SLC25A30: variants seen among roughly 807,000 people sequenced by gnomAD.
SLC25A30 encodes the protein kidney mitochondrial carrier protein 1.
SLC25A30 carries 29 observed loss-of-function variants against 42.7 expected under a neutral mutation model. That is an observed-to-expected ratio of 0.68 (90% CI 0.51 to 0.93). SLC25A30 has a LOEUF of 0.93. Ranked by LOEUF, SLC25A30 falls within the 40% of genes least tolerant of loss-of-function variation. The probability of loss-of-function intolerance (pLI) is 0.00; values close to 1 mark genes in which losing one functional copy is unlikely to be tolerated. For missense variants in SLC25A30, 300 were observed against 359.7 expected, an observed-to-expected ratio of 0.83 and a Z score of 1.34; for synonymous variants, 124 against 131.0, an observed-to-expected ratio of 0.95 and a Z score of 0.37.
Position 45,394,752 on chromosome 13 carries a change from A to G in SLC25A30, c.*1222T>C. On this transcript the variant is annotated 3_prime_UTR_variant, in exon 10 of 10. Transcript: ENST00000519676. ...TGTCTACAGAAGGAAAGAAAAAGGGAAAATATTACATACCACCTATCAGAA... is the reference window on the plus strand; with the variant it reads ...TGTCTACAGAAGGAAAGAAAAAGGGGAAATATTACATACCACCTATCAGAA... 4 of 985,284 alleles carry G rather than the reference A, an allele frequency of 4.1e-6. No homozygotes were observed. The highest frequency in any genetic ancestry group is 4.8e-6 in the Non-Finnish European group (4 of 829,790). The allele number at this position is 985,284 out of a possible 1,614,324, so 61.0% of individuals were successfully genotyped here. A position where few individuals can be genotyped will look rare whatever the true frequency, so the allele number is the denominator to read the frequency against.
chr13:45,409,016 A>G lies in SLC25A30; in HGVS notation c.123T>C (p.Asp41=), dbSNP rs755780243. Residue 41 remains aspartate, a synonymous_variant, in exon 3 of 10, where the codon GAT becomes GAC. Transcript: ENST00000519676. ...GGTATCTAATTTCCTTAAATTTTGC[A>G]TCATTCGTCTGGCCTTGAATCTGGA... ...TRLQIQGQTN[D]AKFKEIRYRG... The G allele has an allele frequency of 2.4e-5, 39 of 1,613,478 alleles. No individual in the cohort carries two copies. Among genetic ancestry groups the G allele is most frequent in the Non-Finnish European group, 3.1e-5 (37 of 1,179,810 alleles).
intron 6 of SLC25A30, 138 bp downstream of exon 6, chr13:45,402,137 T>C (rs1014545153): frequency 1.8e-6 from 1 of 566,238 alleles, no homozygotes; most frequent in Admixed American, 3.4e-5. Flanking sequence ...AAGAAAGATA[T>C]TTTCATGGGC....
intron 8 of SLC25A30, chr13:45,398,058 G>GCA: frequency 1.0e-6 from 1 of 985,298 alleles, no homozygotes; most frequent in Non-Finnish European, 1.2e-6. Context: ...CTTCATTAAG[G>GCA]CAACACCTGA....
At chr13:45,398,764 C>A in intron 8 of SLC25A30, 176 bp downstream of exon 8, 1 of 522,212 alleles carries the variant, frequency 1.9e-6, no homozygotes, top group East Asian at 3.4e-5. Context: ...ATAAAGAAAA[C>A]AACATTGTAT....
chr13:45,400,028 A>G (rs571810694), intron 7 of SLC25A30, among the ~76,000 whole-genome samples: 3 of 124,236 alleles, frequency 2.4e-5, no homozygotes, highest in African/African-American at 9.1e-5. Flanking sequence ...ATATATATAT[A>G]TATATACACA....
chr13:45,424,536 A>AAT, the SLC25A30 span, among the ~76,000 whole-genome samples: 2 of 40,656 alleles, frequency 4.9e-5, no homozygotes, highest in South Asian at 5.9e-4. Context: ...AATATATATA[A>AAT]ATATATAAAT....
chr13:45,393,726 A>AAAAC lies in SLC25A30; in HGVS notation c.*2244_*2247dup, dbSNP rs1242805449. ...CAACAATTGCATTAACTCTTTCAAA[A>AAAAC]AAACAGAAAAAGCAGGTTAAGATCC... On this transcript the variant is annotated 3_prime_UTR_variant, in exon 10 of 10. Coordinates refer to ENST00000519676, the MANE Select transcript of SLC25A30 (RefSeq NM_001010875.4). 1 of 985,342 alleles carries AAAAC rather than the reference A, an allele frequency of 1.0e-6. No homozygotes were observed. Among genetic ancestry groups the AAAAC allele is most frequent in the African/African-American group, 1.7e-5 (1 of 57,262 alleles). The allele number at this position is 985,342 out of a possible 1,614,324, so 61.0% of individuals were successfully genotyped here.
intron 3 of SLC25A30, among the ~76,000 whole-genome samples, chr13:45,406,707 T>C (rs1224486839): frequency 6.6e-6 from 1 of 152,168 alleles, no homozygotes; most frequent in African/African-American, 2.4e-5. Context: ...ACTGACATCT[T>C]TGTTGCTAAG....
intron 4 of SLC25A30, among the ~76,000 whole-genome samples, chr13:45,405,383 C>T (rs1188843894): frequency 6.6e-6 from 1 of 152,140 alleles, no homozygotes; most frequent in Admixed American, 6.5e-5. Flanking sequence ...GAAGTATTTC[C>T]AAAGCATCTT....
At chr13:45,425,619 T>TATATATATACATATATATAA in the SLC25A30 span, among the ~76,000 whole-genome samples, 9 of 96,914 alleles carry the variant, frequency 9.3e-5, no homozygotes, top group African/African-American at 3.4e-4. Flanking sequence ...CATATATAAA[T>TATATATATACATATATATAA]ATATATATAA....
chr13:45,426,331 C>T, the SLC25A30 span, among the ~76,000 whole-genome samples: 5 of 151,332 alleles, frequency 3.3e-5, no homozygotes, highest in African/African-American at 9.7e-5. Context: ...GTGATCCACC[C>T]GCCCTGGCCT....
chr13:45,433,328 G>A, the SLC25A30 span, among the ~76,000 whole-genome samples: 1 of 152,256 alleles, frequency 6.6e-6, no homozygotes, highest in Admixed American at 6.5e-5. Flanking sequence ...CTAAACAGGT[G>A]GCTCCCAGAG....
chr13:45,409,167 C>T (rs1057191473), intron 2 of SLC25A30, 93 bp from the exon 3 acceptor site: 6 of 868,282 alleles, frequency 6.9e-6, no homozygotes, highest in East Asian at 6.3e-5. Flanking sequence ...ATTCAGACTA[C>T]AATATAAACT....
At position 45,398,949 on chromosome 13, in the gene SLC25A30, G is replaced by C. The variant is rs371367095; in HGVS notation, c.744C>G (p.Cys248Trp). The C allele has an allele frequency of 6.8e-6, 11 of 1,613,864 alleles. No individual in the cohort carries two copies. In the African/African-American group the frequency reaches 1.5e-4, roughly 22 times the overall value. ...AGACATCTGCTCTTACCTGTAACAA[G>C]CAATCCAGGGTTCCTGTGTAGCCAG... Reference protein sequence around the residue: ...RCSGYTGTLDCLLQTWKNEGF... With the variant: ...RCSGYTGTLDWLLQTWKNEGF... Residue 248 changes from cysteine to tryptophan, a missense_variant, in exon 8 of 10, where the codon TGC (cysteine) becomes TGG (tryptophan). Coordinates refer to ENST00000519676, the MANE Select transcript of SLC25A30 (RefSeq NM_001010875.4).
chr13:45,424,694 T>G, the SLC25A30 span, among the ~76,000 whole-genome samples: 2 of 69,622 alleles, frequency 2.9e-5, no homozygotes, highest in African/African-American at 1.1e-4. Context: ...TAGATATATA[T>G]AAAGATATAT....
chr13:45,402,256 A>G lies in SLC25A30; in HGVS notation c.489+19T>C. On this transcript the variant is annotated intron_variant, in intron 6 of 9. Transcript: ENST00000519676. ...AAAAAGAACTAAATAAATCAGTTCG[A>G]TCCATCCTTCTGGCTTACCTTCCAC... 2 of 1,576,576 alleles carry G rather than the reference A, an allele frequency of 1.3e-6. No individual in the cohort carries two copies. Among genetic ancestry groups the G allele is most frequent in the Non-Finnish European group, 1.7e-6 (2 of 1,147,120 alleles).
At chr13:45,424,104 A>AATATAT in the SLC25A30 span, among the ~76,000 whole-genome samples, 1 of 37,460 alleles carries the variant, frequency 2.7e-5, no homozygotes, top group African/African-American at 9.4e-5. Context: ...TAAATATATA[A>AATATAT]AAATATATAT....
chr13:45,427,699 C>T, the SLC25A30 span, among the ~76,000 whole-genome samples: 1 of 144,836 alleles, frequency 6.9e-6, no homozygotes, highest in Non-Finnish European at 1.5e-5. Context: ...AGCGTGGCTT[C>T]AGACAGCAAA....
chr13:45,410,323 G>T (rs1882890959), intron 2 of SLC25A30, among the ~76,000 whole-genome samples: 1 of 152,196 alleles, frequency 6.6e-6, no homozygotes, highest in African/African-American at 2.4e-5. Flanking sequence ...GTTAACAGTG[G>T]CAAAGCTGGG....
Sources: gnomAD v4.1 joint callset for allele counts (sites outside exome capture counted in the v4.1 genomes callset) on GRCh38, gnomAD v4.1.1 for gene constraint, MANE v1.5 for transcripts, NCBI Gene and HGNC (gene_info 2026-07-23, HGNC 2026-07-21) for gene names.